Variants in TRIM4 observed in about 807,000 individuals in gnomAD.
The protein encoded by TRIM4 is tripartite motif containing 4.
A neutral mutation model predicts 33.7 loss-of-function variants in TRIM4; 29 were observed. That is an observed-to-expected ratio of 0.86 (90% CI 0.64 to 1.17). The LOEUF is 1.17. Ranked by LOEUF, TRIM4 falls within the 50% of genes most tolerant of loss-of-function variation. The pLI, the probability that TRIM4 is intolerant of heterozygous loss-of-function variation, is 0.00. For synonymous variants in TRIM4, 224 were observed against 233.0 expected (o/e 0.96, Z 0.35); for missense variants, 554 against 593.7 (o/e 0.93, Z 0.69).
Position 99,903,598 on chromosome 7 carries a change from T to C in TRIM4, c.721A>G (p.Asn241Asp), listed in dbSNP as rs748262536. 17 of 1,614,216 alleles carry C rather than the reference T, an allele frequency of 1.1e-5. No homozygotes were observed. Among genetic ancestry groups the C allele is most frequent in the Non-Finnish European group, 1.4e-5 (17 of 1,180,032 alleles). ...SQAPTLELLQ[N>D]PKEVLTRSEI... Reference sequence around the variant, plus strand: ...TACCTGGTCAACACTTCTTTTGGATTCTGTGAAAAGAAGGAAGACATAAGC... The same window carrying C: ...TACCTGGTCAACACTTCTTTTGGATCCTGTGAAAAGAAGGAAGACATAAGC... Residue 241 changes from asparagine (N) to aspartate (D), a missense_variant and splice_region_variant, in exon 4 of 6, where the codon AAT becomes GAT. By Grantham distance (23) the Asn-to-Asp change is conservative (BLOSUM62 1). Coordinates refer to ENST00000349062, the MANE Select transcript of TRIM4 (RefSeq NM_033091.3).
chr7:99,909,531 G>C (rs889092244), intron 2 of TRIM4, 34 bp downstream of exon 2: 1 of 1,596,172 alleles, frequency 6.3e-7, no homozygotes, highest in Non-Finnish European at 8.6e-7. Flanking sequence ...AAGGACCTCA[G>C]GAGCAAGAAA....
chr7:99,909,157 T>C (rs547751972), intron 2 of TRIM4, among the ~76,000 whole-genome samples: 111 of 150,834 alleles, frequency 7.4e-4, no homozygotes, highest in East Asian at 7.0e-3. Flanking sequence ...TGTGTGTGTG[T>C]GCGTGTGTGT....
Position 99,919,144 on chromosome 7 carries a change from C to A in TRIM4, c.258G>T (p.Leu86=). ...GCAGCGGCTCCCAGTGGCGGCCGCA[C>A]AGGCCCGGGGGCACGGGGCCCAGGC... ...RRRLGPVPPG[L]CGRHWEPLRL... Residue 86 remains leucine (L), a synonymous_variant, in exon 1 of 6, where the codon CTG becomes CTT. Coordinates refer to ENST00000349062, the MANE Select transcript of TRIM4 (RefSeq NM_033091.3). 1.3e-6 allele frequency: 2 copies of A among 1,506,046 alleles called. No homozygotes were observed. The highest frequency in any genetic ancestry group is 1.2e-5 in the South Asian group (1 of 80,892). 93.3% of individuals were successfully genotyped at this position (1,506,046 alleles called of 1,614,324 possible).
intron 5 of TRIM4, among the ~76,000 whole-genome samples, chr7:99,897,798 G>C (rs1054318873): frequency 1.3e-5 from 2 of 152,190 alleles, no homozygotes; most frequent in Non-Finnish European, 2.9e-5. Context: ...GCATTGCAAA[G>C]GGCCCAATCC....
At position 99,903,585 on chromosome 7, in the gene TRIM4, A is replaced by T. The variant is rs139038907; in HGVS notation, c.734T>A (p.Val245Glu). The T allele has an allele frequency of 3.4e-4, 546 of 1,614,006 alleles. 1 individual carries two copies. Among genetic ancestry groups the T allele is most frequent in the Non-Finnish European group, 4.5e-4 (533 of 1,180,036 alleles). The change falls in exon 4 of 6, where the codon GTG (valine) becomes GAG (glutamate). Residue 245 changes from valine (V) to glutamate (E), a missense_variant. By Grantham distance (121) the Val-to-Glu change is moderately radical (BLOSUM62 -2). Coordinates refer to ENST00000349062, the MANE Select transcript of TRIM4 (RefSeq NM_033091.3). ...GAACAGGAGTGCATACCTGGTCAAC[A>T]CTTCTTTTGGATTCTGTGAAAAGAA... ...TLELLQNPKE[V>E]LTRSEIQDVN...
chr7:99,891,324 A>G lies in TRIM4; in HGVS notation c.*839T>C, dbSNP rs1391911029. The G allele has an allele frequency of 6.6e-6, 1 of 152,230 alleles. No individual in the cohort carries two copies. The highest frequency in any genetic ancestry group is 2.4e-5 in the African/African-American group (1 of 41,444). 9.4% of individuals were successfully genotyped at this position (152,230 alleles called of 1,614,324 possible). ...TTGTACAAATAGGATTTGACTTTCCATCTCACTGAGTTGTGATGAGAGTCA... is the reference window on the plus strand; with the variant it reads ...TTGTACAAATAGGATTTGACTTTCCGTCTCACTGAGTTGTGATGAGAGTCA... On this transcript the variant is annotated 3_prime_UTR_variant, in exon 6 of 6. Coordinates refer to ENST00000349062, the MANE Select transcript of TRIM4 (RefSeq NM_033091.3).
chr7:99,912,656 G>A lies in TRIM4; in HGVS notation c.394-2996C>T, dbSNP rs114852114. Among the ~76,000 whole-genome samples the A allele has an allele frequency of 4.0e-3, 616 of 152,268 alleles. 7 individuals carry two copies. The highest frequency in any genetic ancestry group is 0.014 in the African/African-American group (590 of 41,544). On this transcript the variant is annotated intron_variant, in intron 1 of 5. Coordinates refer to ENST00000349062, the MANE Select transcript of TRIM4 (RefSeq NM_033091.3). ...AAATAAGAATTGATGTATTCAGAGA[G>A]ATACAGACAAATGGACAGCTATGTG...
intron 5 of TRIM4, chr7:99,902,252 T>C: frequency 1.4e-6 from 1 of 713,128 alleles, no homozygotes; most frequent in Non-Finnish European, 2.6e-6. Flanking sequence ...TCTTTTTAGT[T>C]TGTTTGTTTT....
chr7:99,902,205 C>T (rs746233672), intron 5 of TRIM4: 1 of 759,502 alleles, frequency 1.3e-6, no homozygotes, highest in South Asian at 1.4e-5. Context: ...CGTTTATTTA[C>T]TCCATTTTGG....
rs574772627 is a variant in TRIM4, at chr7:99,909,135, T to G, written c.490-323A>C. Reference sequence around the variant, plus strand: ...TACCAAATCTTTAGGAGTGTGAGGGTGTGTGTGTGTGTGTGTGTGTGTGCG... The same window carrying G: ...TACCAAATCTTTAGGAGTGTGAGGGGGTGTGTGTGTGTGTGTGTGTGTGCG... On this transcript the variant is annotated intron_variant, in intron 2 of 5. Transcript: ENST00000349062. 4.2e-3 allele frequency among the ~76,000 whole-genome samples: 601 copies of G among 144,266 alleles called. 9 individuals are homozygous for G. The highest frequency in any genetic ancestry group is 4.0e-3 in the Non-Finnish European group (263 of 65,200). The allele number at this position is 144,266 out of a possible 152,430, so 94.6% of individuals were successfully genotyped here.
Position 99,892,386 on chromosome 7 carries a change from C to G in TRIM4, c.1202G>C (p.Trp401Ser), listed in dbSNP as rs746968984. Residue 401 changes from tryptophan (W) to serine (S), a missense_variant, in exon 6 of 6, where the codon TGG becomes TCG. By Grantham distance (177) the Trp-to-Ser change is radical. This residue lies in a region of TRIM4 where 290 missense variants were observed against 335.8 expected (regional missense o/e 0.86). Coordinates refer to ENST00000349062, the MANE Select transcript of TRIM4 (RefSeq NM_033091.3). ...WAIYWSAAGY[W>S]PLIGFPGTPT... ...AGTTCCAGGGAAGCCTATCAAGGGC[C>G]AATAGCCAGCAGCACTCCAATAAAT... 3.1e-6 allele frequency: 5 copies of G among 1,614,098 alleles called. No individual in the cohort carries two copies. In the South Asian group the frequency reaches 5.5e-5, roughly 18 times the overall value.
intron 3 of TRIM4, among the ~76,000 whole-genome samples, chr7:99,905,620 T>C (rs1819284027): frequency 6.6e-6 from 1 of 152,138 alleles, no homozygotes; most frequent in Admixed American, 6.5e-5. Context: ...GTTGGCAGCA[T>C]CCTACACACA....
At chr7:99,892,910 T>C (rs1324031884) in intron 5 of TRIM4, among the ~76,000 whole-genome samples, 164 bp from the exon 6 acceptor site, 1 of 152,210 alleles carries the variant, frequency 6.6e-6, no homozygotes, top group Non-Finnish European at 1.5e-5. Flanking sequence ...GGCCACAGCA[T>C]GGCCTTTAGC....
intron 1 of TRIM4, chr7:99,916,653 C>T (rs757111710): frequency 2.6e-6 from 2 of 770,898 alleles, no homozygotes; most frequent in Admixed American, 1.7e-5. Flanking sequence ...ATCACTCCAT[C>T]CCTCCCTCTC....
intron 1 of TRIM4, among the ~76,000 whole-genome samples, chr7:99,914,730 C>T (rs980508756): frequency 2.6e-5 from 4 of 152,226 alleles, no homozygotes; most frequent in African/African-American, 9.6e-5. Flanking sequence ...ACTCTGCATC[C>T]AGCAAGTTTC....
rs1818900618 is a variant in TRIM4 at position 99,892,001 on chromosome 7, C to G, written c.*162G>C. The G allele has an allele frequency of 3.1e-6, 2 of 654,798 alleles. No homozygotes were observed. The highest frequency in any genetic ancestry group is 2.8e-5 in the East Asian group (1 of 35,678). 40.6% of individuals were successfully genotyped at this position (654,798 alleles called of 1,614,324 possible). A position where few individuals can be genotyped will look rare whatever the true frequency, so the allele number is the denominator to read the frequency against. The stretch of plus-strand genomic sequence containing the variant: ...CCAGACCCACCTCCCATGGGACTGC[C>G]TCTTGTGAAGCACACAAAGGGCAGA... On this transcript the variant is annotated 3_prime_UTR_variant, in exon 6 of 6. Coordinates refer to ENST00000349062, the MANE Select transcript of TRIM4 (RefSeq NM_033091.3).
chr7:99,911,171 G>A (rs1819433650), intron 1 of TRIM4, among the ~76,000 whole-genome samples: 1 of 152,206 alleles, frequency 6.6e-6, no homozygotes, highest in Non-Finnish European at 1.5e-5. Context: ...TTAAAGCACA[G>A]GTGGCAGTTG....
chr7:99,906,100 G>A (rs184714508), intron 3 of TRIM4, among the ~76,000 whole-genome samples: 163 of 151,884 alleles, frequency 1.1e-3, no homozygotes, highest in African/African-American at 3.6e-3. Flanking sequence ...AGCCAAGATC[G>A]CTCCACTGCA....
At position 99,894,670 on chromosome 7, in the gene TRIM4, C is replaced by A. The variant is rs368772685; in HGVS notation, c.842-1924G>T. Among the ~76,000 whole-genome samples the A allele has an allele frequency of 1.7e-4, 25 of 148,634 alleles. No homozygotes were observed. In the Middle Eastern group the frequency reaches 0.017, roughly 103 times the overall value. On this transcript the variant is annotated intron_variant, in intron 5 of 5. Transcript: ENST00000349062. ...CAACAGACCAAGACTCCATCCCCCC[C>A]CCAAAAAAAAAAAGAAAAGAAAAGA...
Sources: allele counts gnomAD v4.1 joint callset (sites outside exome capture counted in the v4.1 genomes callset), GRCh38; gene constraint gnomAD v4.1.1; regional missense constraint gnomAD v4.1.1; transcripts MANE v1.5; gene names NCBI Gene and HGNC (gene_info 2026-07-23, HGNC 2026-07-21).